PACS1: variants seen among roughly 807,000 people sequenced by gnomAD.
The protein encoded by PACS1 is phosphofurin acidic cluster sorting protein 1.
Under a neutral mutation model 115.0 loss-of-function variants are expected in PACS1, and 24 were observed. That is an observed-to-expected ratio of 0.21 (90% confidence interval 0.15 to 0.29). The LOEUF (loss-of-function observed/expected upper bound fraction) is 0.29, where lower values mean the gene tolerates loss of function less well. Ranked by LOEUF, PACS1 falls within the 10% of genes least tolerant of loss-of-function variation. The probability of loss-of-function intolerance (pLI) is 1.00; values close to 1 mark genes in which losing one functional copy is unlikely to be tolerated. For synonymous variants in PACS1, 453 were observed against 504.5 expected (o/e 0.90, Z 1.37); for missense variants, 838 against 1,251.2 (o/e 0.67, Z 4.98).
In PACS1 at chr11:66,236,765, A is replaced by ATTTTT. The variant is rs398045238; in HGVS notation, c.2250+833_2250+837dup. On this transcript the variant is annotated intron_variant, in intron 19 of 23. Transcript: ENST00000320580. This position sits in a 1 kb window ranked among gnomAD's most constrained non-coding sequence, Gnocchi z 4.2. Reference sequence around the variant, plus strand: ...AAACCAGCTTCTATCTTTTTTTATTATTTTTTTTTTTTATGAGATGGAGTC... The same window carrying ATTTTT: ...AAACCAGCTTCTATCTTTTTTTATTATTTTTTTTTTTTTTTTTATGAGATGGAGTC... Among the ~76,000 whole-genome samples the ATTTTT allele has an allele frequency of 2.0e-5, 3 of 146,986 alleles. No homozygotes were observed. Among genetic ancestry groups the ATTTTT allele is most frequent in the African/African-American group, 7.5e-5 (3 of 40,174 alleles).
At chr11:66,107,320 T>TG in intron 1 of PACS1, among the ~76,000 whole-genome samples, 1 of 152,292 alleles carries the variant, frequency 6.6e-6, no homozygotes, top group South Asian at 2.1e-4. Flanking sequence ...TGTTTGCTCA[T>TG]GTGTCATCCA....
chr11:66,216,114 C>A lies in PACS1; in HGVS notation c.661-5C>A. On this transcript the variant is annotated splice_polypyrimidine_tract_variant and splice_region_variant and intron_variant, in intron 4 of 23. Coordinates refer to ENST00000320580, the MANE Select transcript of PACS1 (RefSeq NM_018026.4). ...CACGCCTCCACCACCTCCCCTGGCT[C>A]CTAGGTGATGCAGCATCCTAATGAA... The A allele has an allele frequency of 6.2e-7, 1 of 1,613,732 alleles. No homozygotes were observed. Among genetic ancestry groups the A allele is most frequent in the South Asian group, 1.1e-5 (1 of 91,050 alleles).
At chr11:66,111,530 T>C (rs1246601110) in intron 1 of PACS1, among the ~76,000 whole-genome samples, 1 of 152,218 alleles carries the variant, frequency 6.6e-6, no homozygotes, top group Non-Finnish European at 1.5e-5. Flanking sequence ...TAACTCTTGA[T>C]TCTCTCCACA....
chr11:66,187,210 T>G (rs580891), intron 1 of PACS1, among the ~76,000 whole-genome samples: 37,991 of 152,048 alleles, frequency 0.25, 5,495 homozygotes, highest in East Asian at 0.46. Flanking sequence ...TTGACCGATC[T>G]TACATATTCA....
At chr11:66,215,911 T>TAAA (rs71270566) in intron 4 of PACS1, among the ~76,000 whole-genome samples, 1,543 of 125,396 alleles carry the variant, frequency 0.012, 15 homozygotes, top group East Asian at 0.058. Flanking sequence ...AAAATAATAA[T>TAAA]AATAATAATA....
intron 1 of PACS1, among the ~76,000 whole-genome samples, chr11:66,076,197 A>G (rs1047049972): frequency 1.3e-5 from 2 of 152,196 alleles, no homozygotes; most frequent in African/African-American, 4.8e-5. Flanking sequence ...CACAGAGTCC[A>G]TTTTACATGT....
At chr11:66,123,688 A>G (rs1476859782) in intron 1 of PACS1, among the ~76,000 whole-genome samples, 2 of 150,848 alleles carry the variant, frequency 1.3e-5, no homozygotes, top group Non-Finnish European at 2.9e-5. Context: ...CGCCCGGCTA[A>G]TTTTTGTTGT....
intron 1 of PACS1, among the ~76,000 whole-genome samples, chr11:66,083,462 A>T (rs1469389106): frequency 6.6e-6 from 1 of 152,188 alleles, no homozygotes; most frequent in Non-Finnish European, 1.5e-5. Flanking sequence ...TCCTCCATGG[A>T]GAAAAAGGAA....
chr11:66,192,322 T>C (rs191685165), intron 1 of PACS1, among the ~76,000 whole-genome samples: 1 of 152,296 alleles, frequency 6.6e-6, no homozygotes, highest in East Asian at 1.9e-4. Flanking sequence ...TGATAGGAAT[T>C]GTGCTGGGGA....
intron 1 of PACS1, among the ~76,000 whole-genome samples, chr11:66,079,147 C>T (rs1050566485): frequency 3.3e-5 from 5 of 152,076 alleles, no homozygotes; most frequent in Non-Finnish European, 7.4e-5. Flanking sequence ...ACCTCAAGCC[C>T]GCGTCAGCAG....
chr11:66,202,086 A>G (rs1003131457), intron 2 of PACS1, among the ~76,000 whole-genome samples: 1 of 152,222 alleles, frequency 6.6e-6, no homozygotes, highest in Non-Finnish European at 1.5e-5. Flanking sequence ...TCAAAGGATC[A>G]TTAGTGGCTG....
At chr11:66,114,973 G>A (rs756829235) in intron 1 of PACS1, among the ~76,000 whole-genome samples, 6 of 152,076 alleles carry the variant, frequency 3.9e-5, no homozygotes, top group Non-Finnish European at 7.4e-5. Context: ...AGTAGGCTGA[G>A]GTGGGAGGAT....
intron 1 of PACS1, among the ~76,000 whole-genome samples, chr11:66,076,379 G>A (rs1350457494): frequency 1.3e-5 from 2 of 152,202 alleles, no homozygotes; most frequent in African/African-American, 4.8e-5. Flanking sequence ...CCTCAGTTCA[G>A]GAGGCTTGTC....
At chr11:66,216,351 G>T in intron 5 of PACS1, 88 bp downstream of exon 5, 1 of 1,540,350 alleles carries the variant, frequency 6.5e-7, no homozygotes, top group Non-Finnish European at 8.9e-7. Context: ...ATGTTCCTGG[G>T]CAAGAGACCT....
intron 22 of PACS1, 69 bp from the exon 23 acceptor site, chr11:66,242,843 C>T (rs1016853096): frequency 1.0e-5 from 16 of 1,601,906 alleles, no homozygotes; most frequent in Admixed American, 3.4e-5. Context: ...AGGGGACAGT[C>T]GGCTGGGGAG....
intron 1 of PACS1, among the ~76,000 whole-genome samples, chr11:66,102,366 C>T (rs1051745179): frequency 6.6e-6 from 1 of 151,704 alleles, no homozygotes; most frequent in Non-Finnish European, 1.5e-5. Flanking sequence ...ACTCTCTCAC[C>T]CAGGCTGGAG....
intron 1 of PACS1, among the ~76,000 whole-genome samples, chr11:66,087,385 G>T (rs144002448): frequency 1.1e-4 from 17 of 152,186 alleles, no homozygotes; most frequent in African/African-American, 4.1e-4. Flanking sequence ...GGGATTACAG[G>T]CATGCGCTAC....
chr11:66,170,963 AG>A (rs1357164197), intron 1 of PACS1, among the ~76,000 whole-genome samples: 1 of 149,778 alleles, frequency 6.7e-6, no homozygotes, highest in Non-Finnish European at 1.5e-5. Flanking sequence ...CCTAAATACA[AG>A]ATCAGTTTTT....
At chr11:66,187,947 G>A (rs755616011) in intron 1 of PACS1, among the ~76,000 whole-genome samples, 2 of 152,068 alleles carry the variant, frequency 1.3e-5, no homozygotes, top group African/African-American at 2.4e-5. Context: ...AGAAGAGTTC[G>A]CTTTTCTCTG....
Sources: gnomAD v4.1 joint callset for allele counts (sites outside exome capture counted in the v4.1 genomes callset) on GRCh38, gnomAD v4.1.1 for gene constraint, Gnocchi (gnomAD v3.1) non-coding constraint, MANE v1.5 for transcripts, NCBI Gene and HGNC (gene_info 2026-07-23, HGNC 2026-07-21) for gene names.